Variants in SHANK2 observed in about 807,000 individuals in gnomAD.
SHANK2 encodes SH3 and multiple ankyrin repeat domains 2.
In SHANK2, 43 loss-of-function variants were observed where a neutral mutation model predicts 133.7. The observed-to-expected ratio is 0.32, with a 90% CI of 0.25 to 0.41. The LOEUF (loss-of-function observed/expected upper bound fraction) is 0.41. Ranked by LOEUF, SHANK2 falls within the 10% of genes least tolerant of loss-of-function variation. The pLI is 1.00. For synonymous variants in SHANK2, 1,017 were observed against 952.8 expected (o/e 1.07, Z -1.24); for missense variants, 1,994 against 2,235.8 (o/e 0.89, Z 2.18).
intron 10 of SHANK2, among the ~76,000 whole-genome samples, chr11:70,952,189 G>T (rs1186093203): frequency 6.6e-6 from 1 of 152,232 alleles, no homozygotes; most frequent in African/African-American, 2.4e-5. Flanking sequence ...CCCCTGCTGT[G>T]CCGTCTGGCC....
rs181456180 is a variant in SHANK2 at position 70,818,259 on chromosome 11, C to T, written c.1493+2105G>A. On this transcript the variant is annotated intron_variant, in intron 12 of 25. Transcript: ENST00000601538. ...ACCAGCATGCACACAGGCAAATGCA[C>T]ACAGACCAAAAAAACACAAAAATGC... Among the ~76,000 whole-genome samples, 25 of 152,280 alleles carry T rather than the reference C, an allele frequency of 1.6e-4. No homozygotes were observed. In the South Asian group the frequency reaches 4.8e-3, roughly 29 times the overall value.
At chr11:70,831,258 C>T (rs918527791) in intron 11 of SHANK2, among the ~76,000 whole-genome samples, 2 of 152,138 alleles carry the variant, frequency 1.3e-5, no homozygotes, top group Non-Finnish European at 2.9e-5. Flanking sequence ...CATCTCAAAA[C>T]GCAGGCGAGC....
At chr11:70,592,138 C>G (rs1408990290) in intron 17 of SHANK2, among the ~76,000 whole-genome samples, 1 of 152,166 alleles carries the variant, frequency 6.6e-6, no homozygotes, top group Middle Eastern at 3.2e-3. Flanking sequence ...CCTGTCAAGC[C>G]TCTAATACTC....
At chr11:71,115,797 C>T (rs1555100235) in intron 4 of SHANK2, among the ~76,000 whole-genome samples, 1 of 152,168 alleles carries the variant, frequency 6.6e-6, no homozygotes, top group Non-Finnish European at 1.5e-5. Flanking sequence ...TGGAAATGAT[C>T]AGCCCCTGAA....
At chr11:70,492,589 G>C in intron 21 of SHANK2, 124 bp from the exon 22 acceptor site, 2 of 1,240,566 alleles carry the variant, frequency 1.6e-6, no homozygotes, top group Non-Finnish European at 2.3e-6. Context: ...ATTTGTTGCT[G>C]CTGTGAGGAG....
chr11:70,812,748 T>C (rs547753483), intron 12 of SHANK2, among the ~76,000 whole-genome samples: 3 of 152,238 alleles, frequency 2.0e-5, no homozygotes, highest in Non-Finnish European at 4.4e-5. Context: ...TCCCTCCTGC[T>C]GTCCTGCCTG....
chr11:71,189,481 C>T (rs1339230293), intron 2 of SHANK2, among the ~76,000 whole-genome samples: 13 of 152,214 alleles, frequency 8.5e-5, no homozygotes, highest in Admixed American at 8.5e-4. Flanking sequence ...GCTGCAGCCT[C>T]AACCTCCCAG....
chr11:71,071,842 C>T (rs1951147330), intron 9 of SHANK2, among the ~76,000 whole-genome samples: 1 of 152,164 alleles, frequency 6.6e-6, no homozygotes, highest in African/African-American at 2.4e-5. Context: ...GATGGGAGCA[C>T]TGCTTTGGGA....
At chr11:70,729,140 G>A (rs750829664) in intron 14 of SHANK2, among the ~76,000 whole-genome samples, 3 of 151,036 alleles carry the variant, frequency 2.0e-5, no homozygotes, top group Admixed American at 2.0e-4. Flanking sequence ...GGAGGCAGAG[G>A]TTGCCGAGAT....
chr11:70,623,187 A>C (rs575689174), intron 17 of SHANK2, among the ~76,000 whole-genome samples: 113 of 151,998 alleles, frequency 7.4e-4, no homozygotes, highest in Non-Finnish European at 1.4e-3. Context: ...ATCAAAAAAA[A>C]AAAAAATTCC....
At chr11:70,501,830 A>C in intron 20 of SHANK2, 93 bp downstream of exon 20, 1 of 1,329,004 alleles carries the variant, frequency 7.5e-7, no homozygotes, top group Non-Finnish European at 1.1e-6. Flanking sequence ...AGCAGCTCAC[A>C]CAGGCCTCCG....
chr11:70,801,428 G>T (rs1948044510), intron 13 of SHANK2, among the ~76,000 whole-genome samples: 1 of 152,188 alleles, frequency 6.6e-6, no homozygotes, highest in Non-Finnish European at 1.5e-5. Flanking sequence ...TTGTGCAAAT[G>T]GTACCTGCTG....
intron 15 of SHANK2, among the ~76,000 whole-genome samples, chr11:70,696,029 T>C (rs575804400): frequency 6.6e-6 from 1 of 152,324 alleles, no homozygotes; most frequent in East Asian, 1.9e-4. Flanking sequence ...AGGTGTTCAG[T>C]ACACATGTAA....
intron 17 of SHANK2, among the ~76,000 whole-genome samples, chr11:70,628,379 G>A (rs1226426331): frequency 2.0e-5 from 3 of 152,132 alleles, no homozygotes; most frequent in Non-Finnish European, 2.9e-5. Context: ...CACCAAAGTC[G>A]GGGGCGGAGA....
intron 7 of SHANK2, 42 bp from the exon 8 acceptor site, chr11:71,092,631 A>T (rs1555094341): frequency 6.5e-7 from 1 of 1,541,778 alleles, no homozygotes; most frequent in South Asian, 1.2e-5. Flanking sequence ...TGGTCTCATG[A>T]CCCCTTTTGC....
intron 14 of SHANK2, among the ~76,000 whole-genome samples, chr11:70,784,262 C>T (rs569058281): frequency 2.0e-5 from 3 of 151,002 alleles, no homozygotes; most frequent in South Asian, 4.2e-4. Flanking sequence ...CTGCAACCTC[C>T]GCCTCCCAGG....
chr11:70,834,939 C>G (rs1191640179), intron 11 of SHANK2, among the ~76,000 whole-genome samples: 3 of 152,056 alleles, frequency 2.0e-5, no homozygotes, highest in Non-Finnish European at 4.4e-5. Flanking sequence ...AGATACTACT[C>G]ACCGGTTTTC....
intron 9 of SHANK2, among the ~76,000 whole-genome samples, chr11:71,060,362 A>G (rs981832902): frequency 0.011 from 1,705 of 152,320 alleles, 33 homozygotes; most frequent in African/African-American, 0.036. Flanking sequence ...AGTCGTGAAG[A>G]GCTGCATCCC....
At chr11:71,247,421 G>T (rs1954975487) in intron 1 of SHANK2, among the ~76,000 whole-genome samples, 1 of 151,800 alleles carries the variant, frequency 6.6e-6, no homozygotes, top group African/African-American at 2.4e-5. Flanking sequence ...AGCTTTGCTG[G>T]ATATTTGAAT....
Sources: allele counts gnomAD v4.1 joint callset (sites outside exome capture counted in the v4.1 genomes callset), GRCh38; gene constraint gnomAD v4.1.1; transcripts MANE v1.5; gene names NCBI Gene and HGNC (gene_info 2026-07-23, HGNC 2026-07-21).